AFAP1L2: variants seen among roughly 807,000 people sequenced by gnomAD.
The protein encoded by AFAP1L2 is actin filament-associated protein 1-like 2.
A neutral mutation model predicts 99.3 loss-of-function variants in AFAP1L2; 46 were observed. The observed-to-expected ratio is 0.46, with a 90% CI of 0.37 to 0.59. AFAP1L2 has a LOEUF of 0.59. AFAP1L2 is among the 20% of genes least tolerant of loss of function. The pLI is 0.00. For missense variants in AFAP1L2, 959 were observed against 1,034.9 expected (o/e 0.93, Z 1.01); for synonymous variants, 397 against 419.1 (o/e 0.95, Z 0.64).
chr10:114,381,002 A>G (rs1328871444), intron 1 of AFAP1L2, among the ~76,000 whole-genome samples: 1 of 152,210 alleles, frequency 6.6e-6, no homozygotes, highest in African/African-American at 2.4e-5. Flanking sequence ...GTGTGTATGT[A>G]TATGCATGTG....
intron 4 of AFAP1L2, among the ~76,000 whole-genome samples, chr10:114,324,483 C>A (rs2045933988): frequency 6.6e-6 from 1 of 151,282 alleles, no homozygotes; most frequent in Non-Finnish European, 1.5e-5. Context: ...AACTCCTGAC[C>A]TCAACTGACT....
intron 1 of AFAP1L2, among the ~76,000 whole-genome samples, chr10:114,381,927 TA>T (rs1321858284): frequency 6.6e-6 from 1 of 151,948 alleles, no homozygotes; most frequent in Admixed American, 6.6e-5. Context: ...ATTTCACTCA[TA>T]AAAAAAGAAG....
chr10:114,291,255 C>T (rs2039569645), downstream of AFAP1L2: 1 of 1,549,478 alleles, frequency 6.5e-7, no homozygotes, highest in Admixed American at 2.0e-5. Flanking sequence ...GGCTCCCGTG[C>T]AGGAGGGCAG....
chr10:114,321,527 C>T (rs984029882), intron 5 of AFAP1L2, among the ~76,000 whole-genome samples: 1 of 152,166 alleles, frequency 6.6e-6, no homozygotes, highest in African/African-American at 2.4e-5. Flanking sequence ...TAGGTTGGTT[C>T]CATCTCATTC....
At chr10:114,375,336 C>T (rs2054645948) in intron 1 of AFAP1L2, among the ~76,000 whole-genome samples, 1 of 152,182 alleles carries the variant, frequency 6.6e-6, no homozygotes, top group Non-Finnish European at 1.5e-5. Context: ...CCTATCTGCT[C>T]ATTACAAGAA....
At chr10:114,398,704 C>G in intron 1 of AFAP1L2, 1 of 589,252 alleles carries the variant, frequency 1.7e-6, no homozygotes, top group Non-Finnish European at 2.6e-6. Flanking sequence ...ATTAGAATCC[C>G]GAGCCCCTGA....
At chr10:114,375,811 T>C (rs1256732420) in intron 1 of AFAP1L2, among the ~76,000 whole-genome samples, 3 of 152,084 alleles carry the variant, frequency 2.0e-5, no homozygotes, top group Admixed American at 6.6e-5. Context: ...TTGCCTCTAC[T>C]AAAAATTTTG....
intron 5 of AFAP1L2, among the ~76,000 whole-genome samples, chr10:114,321,278 GT>G (rs1334282044): frequency 1.3e-5 from 2 of 151,756 alleles, no homozygotes; most frequent in African/African-American, 4.8e-5. Flanking sequence ...TCCCCCGCTA[GT>G]CCCCAAAGTC....
At chr10:114,365,319 G>A (rs2053062868) in intron 1 of AFAP1L2, among the ~76,000 whole-genome samples, 1 of 152,178 alleles carries the variant, frequency 6.6e-6, no homozygotes, top group Non-Finnish European at 1.5e-5. Context: ...AGTTGGTACT[G>A]TTATTCTTGG....
Position 114,297,209 on chromosome 10 carries a change from C to A in AFAP1L2, c.2307+11G>T, listed in dbSNP as rs755719672. 1 of 1,435,068 alleles carries A rather than the reference C, an allele frequency of 7.0e-7. No individual in the cohort carries two copies. The highest frequency in any genetic ancestry group is 9.4e-7 in the Non-Finnish European group (1 of 1,067,362). 88.9% of individuals were successfully genotyped at this position (1,435,068 alleles called of 1,614,324 possible). A position where few individuals can be genotyped will look rare whatever the true frequency, so the allele number is the denominator to read the frequency against. Reference sequence around the variant, plus strand: ...TGCAAGCAGCCCAGAGGCCGCAGTTCCAGCACTCACGCGGGGGCTCACATT... The same window carrying A: ...TGCAAGCAGCCCAGAGGCCGCAGTTACAGCACTCACGCGGGGGCTCACATT... On this transcript the variant is annotated intron_variant, in intron 17 of 18. Coordinates refer to ENST00000304129, the MANE Select transcript of AFAP1L2 (RefSeq NM_001001936.3).
At chr10:114,323,427 A>T (rs2045708648) in intron 4 of AFAP1L2, among the ~76,000 whole-genome samples, 166 bp from the exon 5 acceptor site, 1 of 152,200 alleles carries the variant, frequency 6.6e-6, no homozygotes, top group Non-Finnish European at 1.5e-5. Context: ...CCCATCAGTC[A>T]CAGTCCATAG....
At chr10:114,296,921 C>T (rs1185764132) in intron 18 of AFAP1L2, 57 bp downstream of exon 18, 2 of 1,612,894 alleles carry the variant, frequency 1.2e-6, no homozygotes, top group Non-Finnish European at 1.7e-6. Flanking sequence ...AGAAGATGGG[C>T]CCCTACCTTA....
the AFAP1L2 span, among the ~76,000 whole-genome samples, chr10:114,287,356 T>C: frequency 6.6e-6 from 1 of 152,110 alleles, no homozygotes; most frequent in South Asian, 2.1e-4. Context: ...AATTGTTTTA[T>C]TTTTTAGAGA....
intron 1 of AFAP1L2, among the ~76,000 whole-genome samples, chr10:114,355,759 C>T (rs981573111): frequency 3.3e-5 from 5 of 151,980 alleles, no homozygotes; most frequent in Admixed American, 2.6e-4. Flanking sequence ...ATCACTTGAG[C>T]CCAGGAGCTT....
At chr10:114,283,834 A>G in the AFAP1L2 span, among the ~76,000 whole-genome samples, 1 of 152,238 alleles carries the variant, frequency 6.6e-6, no homozygotes, top group Admixed American at 6.5e-5. Context: ...CAGCAGCCCC[A>G]GCGAAGTGCC....
intron 5 of AFAP1L2, among the ~76,000 whole-genome samples, chr10:114,320,319 A>G (rs992362994): frequency 6.6e-6 from 1 of 152,182 alleles, no homozygotes; most frequent in South Asian, 2.1e-4. Flanking sequence ...GCAGGTCAAG[A>G]ATCCAAGCAA....
chr10:114,392,926 C>A (rs962003564), intron 1 of AFAP1L2, among the ~76,000 whole-genome samples: 1 of 152,150 alleles, frequency 6.6e-6, no homozygotes, highest in South Asian at 2.1e-4. Flanking sequence ...TCTTGTAGGA[C>A]AAGTCTTACA....
At chr10:114,322,976 C>T (rs892951420) in intron 5 of AFAP1L2, among the ~76,000 whole-genome samples, 195 bp downstream of exon 5, 1 of 152,216 alleles carries the variant, frequency 6.6e-6, no homozygotes, top group Admixed American at 6.5e-5. Flanking sequence ...GGTCTTGGCT[C>T]CCCATTCACA....
intron 6 of AFAP1L2, among the ~76,000 whole-genome samples, chr10:114,315,330 C>T (rs2043947034): frequency 6.6e-6 from 1 of 152,046 alleles, no homozygotes; most frequent in Non-Finnish European, 1.5e-5. Context: ...AGTCACAACC[C>T]CCTTTGAGAA....
Sources: gnomAD v4.1 joint callset for allele counts (sites outside exome capture counted in the v4.1 genomes callset) on GRCh38, gnomAD v4.1.1 for gene constraint, MANE v1.5 for transcripts, NCBI Gene and HGNC (gene_info 2026-07-23, HGNC 2026-07-21) for gene names.